MID1: variants seen among roughly 807,000 people sequenced by gnomAD.
The protein encoded by MID1 is E3 ubiquitin-protein ligase Midline-1.
A neutral mutation model predicts 40.4 loss-of-function variants in MID1; 7 were observed. The ratio of observed to expected loss-of-function variants is 0.17; its 90% CI spans 0.10 to 0.33. MID1 has a LOEUF of 0.33. Among genes scored for constraint, MID1 ranks in the 10% least tolerant of loss-of-function variants. MID1 has a pLI of 1.00. For synonymous variants in MID1, 229 were observed against 221.2 expected (o/e 1.04, Z -0.31); for missense variants, 367 against 558.5 (o/e 0.66, Z 3.46).
chrX:10,534,164 G>A (rs1933149806), intron 2 of MID1, among the ~76,000 whole-genome samples: 1 of 111,232 alleles, frequency 9.0e-6, no homozygotes, highest in African/African-American at 3.3e-5. Flanking sequence ...ATCACTCAGG[G>A]ATTGAATAAT....
At chrX:10,490,621 G>T (rs901504171) in intron 4 of MID1, among the ~76,000 whole-genome samples, 1 of 111,671 alleles carries the variant, frequency 9.0e-6, no homozygotes, top group East Asian at 2.8e-4. Context: ...AAAAATTTTT[G>T]TGTCTATATT....
At chrX:10,751,135 C>T (rs1055696172) in intron 1 of MID1, among the ~76,000 whole-genome samples, 3 of 109,329 alleles carry the variant, frequency 2.7e-5, no homozygotes, top group African/African-American at 6.7e-5. Flanking sequence ...CGTGTTGGCG[C>T]ACCCCAGTAA....
At chrX:10,610,871 G>A (rs949573224) in intron 1 of MID1, among the ~76,000 whole-genome samples, 3 of 111,574 alleles carry the variant, frequency 2.7e-5, no homozygotes, top group African/African-American at 9.8e-5. Context: ...TAGGAGTTGT[G>A]CCTATCTCAA....
intron 1 of MID1, among the ~76,000 whole-genome samples, chrX:10,796,927 C>T (rs2043971597): frequency 9.0e-6 from 1 of 111,499 alleles, no homozygotes; most frequent in African/African-American, 3.3e-5. Context: ...AAATAACTTT[C>T]ATGTGATTTC....
At chrX:10,644,288 C>G (rs1048545162) in intron 1 of MID1, among the ~76,000 whole-genome samples, 1 of 110,247 alleles carries the variant, frequency 9.1e-6, no homozygotes, top group Non-Finnish European at 1.9e-5. Flanking sequence ...ATATTATTAC[C>G]TGCTCTCATT....
At chrX:10,464,818 G>A (rs956972377) in intron 7 of MID1, among the ~76,000 whole-genome samples, 3 of 111,601 alleles carry the variant, frequency 2.7e-5, no homozygotes, top group African/African-American at 6.5e-5. Context: ...AAAAGCCAAC[G>A]GATACAGAGC....
intron 1 of MID1, among the ~76,000 whole-genome samples, chrX:10,720,367 C>T (rs1269705651): frequency 8.9e-6 from 1 of 111,883 alleles, no homozygotes; most frequent in Non-Finnish European, 1.9e-5. Flanking sequence ...AAACAAAGAA[C>T]CCCATCAAAA....
At chrX:10,824,434 G>A (rs12009355) in intron 1 of MID1, among the ~76,000 whole-genome samples, 3,672 of 111,928 alleles carry the variant, frequency 0.033, 163 homozygotes, top group African/African-American at 0.11. Context: ...TCATGGACAA[G>A]GTGAACTCAT....
intron 1 of MID1, among the ~76,000 whole-genome samples, chrX:10,829,173 C>T (rs1457313263): frequency 8.9e-6 from 1 of 112,040 alleles, no homozygotes; most frequent in East Asian, 2.8e-4. Flanking sequence ...TAAATAACTG[C>T]ACAATTAGAT....
chrX:10,732,356 A>G (rs190570858), intron 1 of MID1, among the ~76,000 whole-genome samples: 1 of 112,586 alleles, frequency 8.9e-6, no homozygotes, highest in African/African-American at 3.2e-5. Context: ...TCAGCATGCA[A>G]GATTAATATA....
intron 2 of MID1, among the ~76,000 whole-genome samples, chrX:10,536,486 G>A (rs1312945257): frequency 8.9e-6 from 1 of 112,691 alleles, no homozygotes; most frequent in African/African-American, 3.2e-5. Context: ...CATATACAAC[G>A]TGTTGCTAAA....
At chrX:10,587,139 C>T (rs780031806) in intron 1 of MID1, among the ~76,000 whole-genome samples, 28 of 112,480 alleles carry the variant, frequency 2.5e-4, no homozygotes, top group East Asian at 8.4e-4. Context: ...GGGCTTCTCT[C>T]GCTTTACAAT....
intron 3 of MID1, among the ~76,000 whole-genome samples, chrX:10,513,175 T>A (rs2147350572): frequency 8.9e-6 from 1 of 112,631 alleles, no homozygotes; most frequent in African/African-American, 3.2e-5. Flanking sequence ...CTGGCTTCTT[T>A]CATAATCTGT....
intron 4 of MID1, among the ~76,000 whole-genome samples, chrX:10,483,954 T>C (rs776813617): frequency 1.8e-5 from 2 of 112,267 alleles, no homozygotes; most frequent in African/African-American, 3.2e-5. Context: ...GTCAAAACTT[T>C]AGGGCAAATA....
chrX:10,726,550 T>C lies in MID1; in HGVS notation c.-186-106131A>G, dbSNP rs897712851. ...AAGAGATACATCTGACTAAAAATTATAGCCAGTCCTGGTTGAATGAAACTA... is the reference window on the plus strand; with the variant it reads ...AAGAGATACATCTGACTAAAAATTACAGCCAGTCCTGGTTGAATGAAACTA... On this transcript the variant is annotated intron_variant, in intron 1 of 10. Coordinates refer to the MID1 transcript ENST00000380785. Among the ~76,000 whole-genome samples the C allele has an allele frequency of 4.5e-5, 5 of 111,730 alleles. No individual in the cohort carries two copies. The East Asian group carries it at 1.1e-3, about 25-fold the overall frequency.
chrX:10,494,478 T>C (rs767562783), intron 4 of MID1, among the ~76,000 whole-genome samples: 1 of 110,978 alleles, frequency 9.0e-6, no homozygotes, highest in East Asian at 2.8e-4. Context: ...CATAGAAAAA[T>C]TATCCTTGGC....
intron 2 of MID1, among the ~76,000 whole-genome samples, chrX:10,530,158 G>A (rs1429793895): frequency 1.8e-5 from 2 of 111,858 alleles, no homozygotes; most frequent in Non-Finnish European, 3.8e-5. Context: ...TTTCCAAACC[G>A]GGATTTATAA....
chrX:10,808,317 T>C (rs761258312), intron 1 of MID1, among the ~76,000 whole-genome samples: 1 of 111,773 alleles, frequency 8.9e-6, no homozygotes, highest in Non-Finnish European at 1.9e-5. Flanking sequence ...CTCTCTGTAA[T>C]GGTCCTCTAT....
rs755964336 is a variant in MID1, at chrX:10,684,353, CTCTT to C, written c.-186-63938_-186-63935del. Among the ~76,000 whole-genome samples, 12 of 104,867 alleles carry C rather than the reference CTCTT, an allele frequency of 1.1e-4. No homozygotes were observed. In the South Asian group the frequency reaches 1.6e-3, roughly 14 times the overall value. The allele number at this position is 104,867 out of a possible 115,157, so 91.1% of individuals were successfully genotyped here. A position where few individuals can be genotyped will look rare whatever the true frequency, so the allele number is the denominator to read the frequency against. ...TTGCTTGCTTGCTTGCTTGCTTTCTCTCTTTCTTTCTTTCTCTCTTTTCTTTTCT... is the reference window on the plus strand; with the variant it reads ...TTGCTTGCTTGCTTGCTTGCTTTCTCTCTTTCTTTCTCTCTTTTCTTTTCT... On this transcript the variant is annotated intron_variant, in intron 1 of 10. Coordinates refer to the MID1 transcript ENST00000380785.
Sources: gnomAD v4.1 joint callset for allele counts (sites outside exome capture counted in the v4.1 genomes callset) on GRCh38, gnomAD v4.1.1 for gene constraint, MANE v1.5 for transcripts, NCBI Gene and HGNC (gene_info 2026-07-23, HGNC 2026-07-21) for gene names.